Variants in JAK1 observed in about 807,000 individuals in gnomAD.
JAK1 encodes the protein Janus kinase 1.
JAK1 carries 16 observed loss-of-function variants against 136.6 expected under a neutral mutation model. The observed-to-expected ratio is 0.12, with a 90% CI of 0.08 to 0.18. The LOEUF (loss-of-function observed/expected upper bound fraction) is 0.18. Among genes scored for constraint, JAK1 ranks in the 10% least tolerant of loss-of-function variants. The pLI is 1.00. For synonymous variants in JAK1, 492 were observed against 519.5 expected (o/e 0.95, Z 0.72); for missense variants, 859 against 1,450.1 (o/e 0.59, Z 6.62).
chr1:64,844,688 G>A lies in JAK1; in HGVS notation c.2251+66C>T, dbSNP rs2100993020. On this transcript the variant is annotated intron_variant, in intron 16 of 24. Coordinates refer to ENST00000342505, the MANE Select transcript of JAK1 (RefSeq NM_002227.4). This position sits in a 1 kb window ranked among gnomAD's most constrained non-coding sequence, Gnocchi z 5.7. ...CTAAAAGGAGACCAACCCCAGCCCAGCCCTTCTCTCTGCTGACTTGCCCCT... is the reference window on the plus strand; with the variant it reads ...CTAAAAGGAGACCAACCCCAGCCCAACCCTTCTCTCTGCTGACTTGCCCCT... 6.3e-7 allele frequency: 1 copy of A among 1,594,222 alleles called. No individual in the cohort carries two copies. Among genetic ancestry groups the A allele is most frequent in the Non-Finnish European group, 8.6e-7 (1 of 1,163,580 alleles).
chr1:64,884,628 T>C (rs983381249), intron 2 of JAK1, among the ~76,000 whole-genome samples: 3 of 152,196 alleles, frequency 2.0e-5, no homozygotes, highest in African/African-American at 7.2e-5. Flanking sequence ...CCCTACCCAA[T>C]GCTACTTCTC....
chr1:64,919,248 T>C (rs1645453351), intron 1 of JAK1, among the ~76,000 whole-genome samples: 1 of 152,180 alleles, frequency 6.6e-6, no homozygotes, highest in African/African-American at 2.4e-5. Context: ...TTCCCACCTA[T>C]GAGTCAGAAC....
chr1:64,837,810 A>T, intron 22 of JAK1, 122 bp downstream of exon 22: 1 of 738,276 alleles, frequency 1.4e-6, no homozygotes, highest in Non-Finnish European at 2.1e-6. Flanking sequence ...AATGTTCTAA[A>T]CCTTCTCTAA....
At chr1:64,956,225 G>A (rs557658500) in intron 1 of JAK1, among the ~76,000 whole-genome samples, 6 of 152,314 alleles carry the variant, frequency 3.9e-5, no homozygotes, top group South Asian at 2.1e-4. Context: ...GGGTTTTCAG[G>A]GTGGTGGATA....
chr1:65,001,936 A>G (rs1646762257), intron 2 of JAK1, among the ~76,000 whole-genome samples: 1 of 151,984 alleles, frequency 6.6e-6, no homozygotes, highest in Non-Finnish European at 1.5e-5. Flanking sequence ...AGTGTTAAGG[A>G]GCGTGAGTGC....
At chr1:64,846,157 C>CA (rs1468526622) in intron 14 of JAK1, among the ~76,000 whole-genome samples, 1 of 152,200 alleles carries the variant, frequency 6.6e-6, no homozygotes, top group Non-Finnish European at 1.5e-5. Flanking sequence ...GTCAGGAACT[C>CA]AGAGGCCAAG....
At chr1:64,976,253 T>C (rs968928632) in intron 2 of JAK1, among the ~76,000 whole-genome samples, 1 of 152,230 alleles carries the variant, frequency 6.6e-6, no homozygotes, top group Non-Finnish European at 1.5e-5. Flanking sequence ...CAAGGCCATT[T>C]CCACACTCTG....
At chr1:64,839,462 A>C in intron 20 of JAK1, 141 bp downstream of exon 20, 2 of 661,982 alleles carry the variant, frequency 3.0e-6, no homozygotes, top group Non-Finnish European at 5.0e-6. Context: ...TATGACTTGG[A>C]AGCCTTGAGA....
chr1:64,942,078 A>G (rs575917958), intron 1 of JAK1: 3 of 152,356 alleles, frequency 2.0e-5, no homozygotes, highest in African/African-American at 7.2e-5. Flanking sequence ...TAAATTACCA[A>G]ATTAGAGGAA....
intron 1 of JAK1, chr1:64,918,655 T>G (rs1387048247): frequency 5.2e-6 from 1 of 193,036 alleles, no homozygotes; most frequent in Non-Finnish European, 1.1e-5. Context: ...TGGATTACAG[T>G]AAACTGAAGA....
intron 2 of JAK1, among the ~76,000 whole-genome samples, chr1:65,037,475 T>TA (rs1462882153): frequency 6.6e-6 from 1 of 152,138 alleles, no homozygotes; most frequent in East Asian, 1.9e-4. Context: ...TGAGAGCTCT[T>TA]AAAAATCCCC....
At chr1:65,061,587 T>G (rs1647793634) in intron 1 of JAK1, among the ~76,000 whole-genome samples, 1 of 152,208 alleles carries the variant, frequency 6.6e-6, no homozygotes, top group Non-Finnish European at 1.5e-5. Flanking sequence ...TGTATTTAAA[T>G]CCACTGGTCT....
chr1:65,065,648 G>A (rs1648007374), intron 1 of JAK1, among the ~76,000 whole-genome samples: 1 of 150,822 alleles, frequency 6.6e-6, no homozygotes, highest in Non-Finnish European at 1.5e-5. Flanking sequence ...TTTTGGAATG[G>A]TTAGACTTGG....
intron 22 of JAK1, among the ~76,000 whole-genome samples, chr1:64,836,921 C>T (rs905257111): frequency 9.2e-5 from 14 of 152,298 alleles, no homozygotes; most frequent in African/African-American, 2.2e-4. Flanking sequence ...TCCCATTGTT[C>T]TTGAGATGAA....
chr1:65,003,336 G>C (rs924772350), intron 2 of JAK1: 1 of 152,172 alleles, frequency 6.6e-6, no homozygotes, highest in African/African-American at 2.4e-5. Context: ...TTGGCGCCGG[G>C]TGACTGCAAT....
chr1:64,901,863 T>C (rs995920321), intron 1 of JAK1, among the ~76,000 whole-genome samples: 2 of 152,154 alleles, frequency 1.3e-5, no homozygotes, highest in African/African-American at 4.8e-5. Context: ...TCATAGAAAT[T>C]GAATCATATA....
intron 2 of JAK1, among the ~76,000 whole-genome samples, chr1:65,016,458 C>CA (rs1646892810): frequency 6.6e-6 from 1 of 152,066 alleles, no homozygotes; most frequent in Admixed American, 6.6e-5. Flanking sequence ...CCTGTCTCTA[C>CA]AAAAAATACA....
chr1:64,873,997 G>C (rs1423779662), intron 4 of JAK1, among the ~76,000 whole-genome samples: 1 of 152,160 alleles, frequency 6.6e-6, no homozygotes, highest in Non-Finnish European at 1.5e-5. Flanking sequence ...CCAGATTGCT[G>C]CTATTCAACT....
At chr1:64,974,512 C>G (rs1209155965) in intron 2 of JAK1, 1 of 152,232 alleles carries the variant, frequency 6.6e-6, no homozygotes, top group Non-Finnish European at 1.5e-5. Context: ...AACTAACCAT[C>G]CCTACCATAG....
Sources: allele counts gnomAD v4.1 joint callset (sites outside exome capture counted in the v4.1 genomes callset), GRCh38; gene constraint gnomAD v4.1.1; non-coding constraint Gnocchi (gnomAD v3.1); transcripts MANE v1.5; gene names NCBI Gene and HGNC (gene_info 2026-07-23, HGNC 2026-07-21).